LPA: variants seen among roughly 807,000 people sequenced by gnomAD.
LPA encodes lipoprotein(a), also known as apolipoprotein(a).
A neutral mutation model predicts 197.9 loss-of-function variants in LPA; 199 were observed. The observed-to-expected ratio is 1.01, with a 90% confidence interval of 0.90 to 1.13. The LOEUF is 1.13. Among genes scored for constraint, LPA ranks in the 50% most tolerant of loss-of-function variants. The pLI is 0.00. For missense variants in LPA, 1,853 were observed against 1,785.8 expected (o/e 1.04, Z -0.68); for synonymous variants, 715 against 639.5 (o/e 1.12, Z -1.78).
At chr6:160,648,622 T>C (rs1779948550) in intron 2 of LPA, among the ~76,000 whole-genome samples, 1 of 152,256 alleles carries the variant, frequency 6.6e-6, no homozygotes, top group South Asian at 2.1e-4. Flanking sequence ...GTGTTTTGTA[T>C]GTGTGTATCT....
At position 160,595,441 on chromosome 6, in the gene LPA, G is replaced by A. The variant is rs199532848; in HGVS notation, c.3382C>T (p.Leu1128=). 2.5e-6 allele frequency: 4 copies of A among 1,613,904 alleles called. No homozygotes were observed. In the South Asian group the frequency reaches 3.3e-5, roughly 13 times the overall value. ...DPSVRWEYCN[L]TQCLVTESSV... ...GATTCTGTCACCAGGCATTGTGTCA[G>A]GTTGCAGTACTCCCACCTGACACTG... Residue 1128 remains leucine (L), a synonymous_variant, in exon 21 of 39, where the codon CTG becomes TTG. Transcript: ENST00000316300.
intron 28 of LPA, among the ~76,000 whole-genome samples, chr6:160,568,226 G>C (rs2115021743): frequency 6.6e-6 from 1 of 152,284 alleles, no homozygotes; most frequent in Non-Finnish European, 1.5e-5. Flanking sequence ...GAACATTGAT[G>C]CAAAAATCCT....
intron 37 of LPA, among the ~76,000 whole-genome samples, chr6:160,535,177 G>A (rs1390284315): frequency 1.3e-5 from 2 of 150,718 alleles, no homozygotes; most frequent in African/African-American, 4.9e-5. Context: ...TGGTGACGAT[G>A]GTGGTGATAG....
chr6:160,547,770 C>G lies in LPA; in HGVS notation c.5304+19G>C. ...ATTTGTCAGCAAAGGGAAAAAGAGT[C>G]CAAATCAAAGTGGCTTACATTTTTT... On this transcript the variant is annotated intron_variant, in intron 32 of 38. Coordinates refer to ENST00000316300, the MANE Select transcript of LPA (RefSeq NM_005577.4). 6.2e-7 allele frequency: 1 copy of G among 1,613,942 alleles called. No homozygotes were observed. Among genetic ancestry groups the G allele is most frequent in the Non-Finnish European group, 8.5e-7 (1 of 1,179,956 alleles).
chr6:160,561,161 G>A (rs937078771), intron 28 of LPA, among the ~76,000 whole-genome samples: 12 of 151,874 alleles, frequency 7.9e-5, no homozygotes, highest in Non-Finnish European at 1.2e-4. Flanking sequence ...CATCCACCTC[G>A]GCCTCCCAAA....
chr6:160,568,404 T>G (rs7750595), intron 28 of LPA, among the ~76,000 whole-genome samples: 1 of 152,190 alleles, frequency 6.6e-6, no homozygotes, highest in Admixed American at 6.5e-5. Context: ...ATTATCTCAA[T>G]AGATGCAGAA....
intron 17 of LPA, among the ~76,000 whole-genome samples, chr6:160,605,459 A>T (rs1252453992): frequency 6.6e-6 from 1 of 152,212 alleles, no homozygotes. Context: ...AATATTTCAC[A>T]TAAAAGCTTA....
chr6:160,594,475 G>C (rs1466848253), intron 21 of LPA, among the ~76,000 whole-genome samples: 1 of 152,184 alleles, frequency 6.6e-6, no homozygotes, highest in Non-Finnish European at 1.5e-5. Flanking sequence ...GTTGTAGGTG[G>C]TGATTGACTG....
intron 19 of LPA, 93 bp from the exon 20 acceptor site, chr6:160,599,752 G>C: frequency 7.3e-7 from 1 of 1,375,762 alleles, no homozygotes; most frequent in Admixed American, 1.7e-5. Context: ...AAGAGTCACT[G>C]AGATTTACAA....
rs186995899 is a variant in LPA, at chr6:160,607,358, G to T, written c.2604-700C>A. Among the ~76,000 whole-genome samples, 102 of 152,196 alleles carry T rather than the reference G, an allele frequency of 6.7e-4. 1 individual carries two copies. The highest frequency in any genetic ancestry group is 6.1e-3 in the Admixed American group (93 of 15,282). On this transcript the variant is annotated intron_variant, in intron 16 of 38. Coordinates refer to ENST00000316300, the MANE Select transcript of LPA (RefSeq NM_005577.4). ...TGCAGCATCTCTAGAATGGGTTCCT[G>T]GGCAGGACCTTCTCTCCTGCTCTCA...
intron 18 of LPA, among the ~76,000 whole-genome samples, chr6:160,601,409 T>A (rs1049421849): frequency 1.3e-5 from 2 of 152,180 alleles, no homozygotes; most frequent in South Asian, 4.1e-4. Flanking sequence ...GCCCAATCCA[T>A]CTCTCTGGAA....
chr6:160,590,223 G>A (rs1778999804), intron 23 of LPA, among the ~76,000 whole-genome samples: 2 of 152,190 alleles, frequency 1.3e-5, no homozygotes, highest in Non-Finnish European at 2.9e-5. Flanking sequence ...CTCAGAGAGG[G>A]GTACTGGCCA....
intron 28 of LPA, 101 bp from the exon 29 acceptor site, chr6:160,557,672 G>C (rs964882806): frequency 9.9e-7 from 1 of 1,006,876 alleles, no homozygotes; most frequent in East Asian, 2.4e-5. Context: ...AAAAAGTGAC[G>C]TTGTAATATT....
At chr6:160,641,004 C>T (rs1277632389) in intron 4 of LPA, among the ~76,000 whole-genome samples, 156 bp from the exon 5 acceptor site, 14 of 135,674 alleles carry the variant, frequency 1.0e-4, no homozygotes, top group East Asian at 2.0e-4. Context: ...AAATGGCTCT[C>T]GATCACTAAT....
At position 160,664,206 on chromosome 6, in the gene LPA, A is replaced by G; in HGVS notation, c.9T>C (p.His3=). 1 of 1,606,802 alleles carries G rather than the reference A, an allele frequency of 6.2e-7. No homozygotes were observed. The highest frequency in any genetic ancestry group is 2.3e-4 in the Middle Eastern group (1 of 4,424). Residue 3 remains histidine (H), a synonymous_variant, in exon 1 of 39, where the codon CAT becomes CAC. Transcript: ENST00000316300. ...AAAGAAGTAGAAGAACCACTTCCTTATGTTCCATTTTGGGACTGGCCAGCA... is the reference window on the plus strand; with the variant it reads ...AAAGAAGTAGAAGAACCACTTCCTTGTGTTCCATTTTGGGACTGGCCAGCA... ME[H]KEVVLLLLLF...
chr6:160,593,015 A>G (rs1779059473), intron 22 of LPA, among the ~76,000 whole-genome samples: 2 of 152,164 alleles, frequency 1.3e-5, no homozygotes. Flanking sequence ...GTGCATACGC[A>G]GCTTTGTATT....
intron 7 of LPA, among the ~76,000 whole-genome samples, 154 bp downstream of exon 7, chr6:160,634,969 C>T (rs1372774704): frequency 6.7e-6 from 1 of 150,352 alleles, no homozygotes; most frequent in East Asian, 1.9e-4. Context: ...CGCTGGCTCC[C>T]CCAGAGAGTA....
intron 1 of LPA, among the ~76,000 whole-genome samples, chr6:160,660,710 T>A (rs1780209830): frequency 6.6e-6 from 1 of 152,102 alleles, no homozygotes; most frequent in Non-Finnish European, 1.5e-5. Context: ...GCATGGATGA[T>A]GTTGGGAATA....
At chr6:160,546,495 C>G (rs1425703297) in intron 32 of LPA, among the ~76,000 whole-genome samples, 1 of 152,164 alleles carries the variant, frequency 6.6e-6, no homozygotes, top group Non-Finnish European at 1.5e-5. Context: ...ACGTGTTTCC[C>G]TGAGTTCTGT....
Sources: gnomAD v4.1 joint callset for allele counts (sites outside exome capture counted in the v4.1 genomes callset) on GRCh38, gnomAD v4.1.1 for gene constraint, MANE v1.5 for transcripts, NCBI Gene and HGNC (gene_info 2026-07-23, HGNC 2026-07-21) for gene names.